KCNMB2: variants seen among roughly 807,000 people sequenced by gnomAD.
KCNMB2 encodes the protein calcium-activated potassium channel subunit beta-2.
In KCNMB2, 9 loss-of-function variants were observed where a neutral mutation model predicts 24.5. The ratio of observed to expected loss-of-function variants is 0.37; its 90% CI spans 0.22 to 0.64. KCNMB2 has a LOEUF of 0.64. KCNMB2 is among the 30% of genes least tolerant of loss of function. The probability of loss-of-function intolerance (pLI) is 0.63; values close to 1 mark genes in which losing one functional copy is unlikely to be tolerated. For missense variants in KCNMB2, 226 were observed against 284.3 expected, an observed-to-expected ratio of 0.79 and a Z score of 1.47; for synonymous variants, 109 against 104.4, an observed-to-expected ratio of 1.04 and a Z score of -0.27.
intron 1 of KCNMB2, among the ~76,000 whole-genome samples, chr3:178,641,486 A>G (rs1719725508): frequency 6.6e-6 from 1 of 152,148 alleles, no homozygotes. Flanking sequence ...TATTGCTAGT[A>G]AAAGGAAAGC....
At chr3:178,743,901 T>C (rs1320058500) in intron 1 of KCNMB2, among the ~76,000 whole-genome samples, 1 of 152,202 alleles carries the variant, frequency 6.6e-6, no homozygotes, top group Non-Finnish European at 1.5e-5. Flanking sequence ...AGAGAGGCAT[T>C]GTTTGAAGAG....
At chr3:178,592,310 T>G (rs1717704702) in intron 1 of KCNMB2, among the ~76,000 whole-genome samples, 1 of 152,114 alleles carries the variant, frequency 6.6e-6, no homozygotes, top group Non-Finnish European at 1.5e-5. Context: ...AATGTAAGAG[T>G]GCAGGTGGAA....
At chr3:178,571,975 T>C (rs554405960) in intron 1 of KCNMB2, among the ~76,000 whole-genome samples, 1 of 152,334 alleles carries the variant, frequency 6.6e-6, no homozygotes, top group Admixed American at 6.5e-5. Context: ...CTATTGTAAA[T>C]AGTGCTGCAA....
At chr3:178,653,452 T>C (rs1027234528) in intron 1 of KCNMB2, among the ~76,000 whole-genome samples, 1 of 152,106 alleles carries the variant, frequency 6.6e-6, no homozygotes, top group Non-Finnish European at 1.5e-5. Flanking sequence ...AAGGATACTA[T>C]GTACTGTACC....
rs1041905736 is a variant in KCNMB2, at chr3:178,577,033, G to A, written c.-68+40322G>A. On this transcript the variant is annotated intron_variant, in intron 1 of 4. Coordinates refer to ENST00000452583, the MANE Select transcript of KCNMB2 (RefSeq NM_181361.3). Reference sequence around the variant, plus strand: ...CCTCCTCAAGTGGGTCCCTGACCCCGGTGCCTCCTGACTGGGAGACACCTC... The same window carrying A: ...CCTCCTCAAGTGGGTCCCTGACCCCAGTGCCTCCTGACTGGGAGACACCTC... 4.6e-5 allele frequency among the ~76,000 whole-genome samples: 7 copies of A among 152,176 alleles called. 1 individual carries two copies. The highest frequency in any genetic ancestry group is 4.2e-4 in the South Asian group (2 of 4,812).
At chr3:178,813,447 C>T (rs563825490) in intron 2 of KCNMB2, among the ~76,000 whole-genome samples, 114 of 152,216 alleles carry the variant, frequency 7.5e-4, no homozygotes, top group Non-Finnish European at 1.0e-3. Context: ...TGTAGAAATG[C>T]TACTGCTTTT....
At chr3:178,799,433 A>G (rs1299433168) in intron 1 of KCNMB2, among the ~76,000 whole-genome samples, 1 of 152,126 alleles carries the variant, frequency 6.6e-6, no homozygotes, top group African/African-American at 2.4e-5. Context: ...ACTTACAATA[A>G]CTACAAATAA....
At chr3:178,744,799 T>A (rs938862520) in intron 1 of KCNMB2, among the ~76,000 whole-genome samples, 4 of 152,150 alleles carry the variant, frequency 2.6e-5, no homozygotes, top group Non-Finnish European at 5.9e-5. Flanking sequence ...ACAGCCTGAT[T>A]TTGCTCTTCT....
At chr3:178,679,426 T>C (rs1225419510) in intron 1 of KCNMB2, among the ~76,000 whole-genome samples, 1 of 152,200 alleles carries the variant, frequency 6.6e-6, no homozygotes, top group Non-Finnish European at 1.5e-5. Context: ...GTGGAATGAA[T>C]GAATGCGTAT....
intron 1 of KCNMB2, among the ~76,000 whole-genome samples, chr3:178,737,788 A>G (rs1310402762): frequency 6.6e-6 from 1 of 152,212 alleles, no homozygotes. Context: ...ATCAGGAAAA[A>G]CAACTCAGAG....
At chr3:178,632,227 C>T (rs1379843932) in intron 1 of KCNMB2, among the ~76,000 whole-genome samples, 1 of 152,108 alleles carries the variant, frequency 6.6e-6, no homozygotes, top group African/African-American at 2.4e-5. Context: ...CAAACAATAA[C>T]ATTACAGAAA....
At chr3:178,738,665 T>A (rs1445096832) in intron 1 of KCNMB2, among the ~76,000 whole-genome samples, 2 of 152,146 alleles carry the variant, frequency 1.3e-5, no homozygotes, top group Admixed American at 1.3e-4. Context: ...CAAATTTCAC[T>A]TCCTGAGAAG....
intron 1 of KCNMB2, chr3:178,748,170 C>G (rs1211793213): frequency 6.6e-6 from 1 of 152,164 alleles, no homozygotes; most frequent in African/African-American, 2.4e-5. Context: ...TTGTTTGGAA[C>G]CATCACTCAA....
chr3:178,840,223 G>A (rs1401480954), intron 4 of KCNMB2, among the ~76,000 whole-genome samples: 2 of 152,144 alleles, frequency 1.3e-5, no homozygotes. Flanking sequence ...CTCACATTCG[G>A]GGCACACTGA....
chr3:178,730,402 A>AC lies in KCNMB2; in HGVS notation c.-67-76941_-67-76940insC, dbSNP rs1723106700. Among the ~76,000 whole-genome samples, 7 of 73,550 alleles carry AC rather than the reference A, an allele frequency of 9.5e-5. No homozygotes were observed. The South Asian group carries it at 1.5e-3, about 16-fold the overall frequency. The allele number at this position is 73,550 out of a possible 152,430, so 48.3% of individuals were successfully genotyped here. The stretch of plus-strand genomic sequence containing the variant: ...TTTATCTTTGTCACTACTGTCCCCC[A>AC]ACACCCCCCCACACACACACACACA... On this transcript the variant is annotated intron_variant, in intron 1 of 4. Coordinates refer to ENST00000452583, the MANE Select transcript of KCNMB2 (RefSeq NM_181361.3).
chr3:178,691,656 A>G (rs1396066620), intron 1 of KCNMB2, among the ~76,000 whole-genome samples: 1 of 152,186 alleles, frequency 6.6e-6, no homozygotes, highest in Admixed American at 6.5e-5. Flanking sequence ...CCAGTCTATC[A>G]TTGGTGGGCA....
At chr3:178,828,925 CTGTGTGTGTGTGTGTGTGTGTGTG>C (rs71181254) in intron 4 of KCNMB2, among the ~76,000 whole-genome samples, 6 of 142,754 alleles carry the variant, frequency 4.2e-5, no homozygotes, top group South Asian at 2.4e-4. Flanking sequence ...CCCATGGTCA[CTGTGTGTGTGTGTGTGTGTGTGTG>C]TGTGTGTGTG....
chr3:178,806,535 A>G (rs1713976163), intron 1 of KCNMB2, among the ~76,000 whole-genome samples: 1 of 152,100 alleles, frequency 6.6e-6, no homozygotes, highest in African/African-American at 2.4e-5. Flanking sequence ...TAATGTGTTA[A>G]ATATCATTTT....
intron 1 of KCNMB2, among the ~76,000 whole-genome samples, chr3:178,554,332 G>C (rs947713617): frequency 6.6e-6 from 1 of 152,116 alleles, no homozygotes; most frequent in African/African-American, 2.4e-5. Context: ...CTTTTAATAA[G>C]AATTCAAGCC....
Sources: gnomAD v4.1 joint callset for allele counts (sites outside exome capture counted in the v4.1 genomes callset) on GRCh38, gnomAD v4.1.1 for gene constraint, MANE v1.5 for transcripts, NCBI Gene and HGNC (gene_info 2026-07-23, HGNC 2026-07-21) for gene names.